KCTD16: variants seen among roughly 807,000 people sequenced by gnomAD.
The protein encoded by KCTD16 is BTB/POZ domain-containing protein KCTD16.
A neutral mutation model predicts 33.2 loss-of-function variants in KCTD16; 13 were observed. The observed-to-expected ratio is 0.39, with a 90% CI of 0.25 to 0.62. KCTD16 has a LOEUF of 0.62. Among genes scored for constraint, KCTD16 ranks in the 20% least tolerant of loss-of-function variants. The probability of loss-of-function intolerance (pLI) is 0.50; values close to 1 mark genes in which losing one functional copy is unlikely to be tolerated. For missense variants in KCTD16, 441 were observed against 525.1 expected (o/e 0.84, Z 1.57); for synonymous variants, 197 against 195.3 (o/e 1.01, Z -0.07).
At chr5:144,318,715 G>A (rs1561565383) in intron 3 of KCTD16, among the ~76,000 whole-genome samples, 1 of 152,134 alleles carries the variant, frequency 6.6e-6, no homozygotes, top group Non-Finnish European at 1.5e-5. Flanking sequence ...CCTGCCCTCT[G>A]TGACTGCGGA....
At chr5:144,175,327 A>T (rs1752478649) in intron 2 of KCTD16, among the ~76,000 whole-genome samples, 1 of 152,208 alleles carries the variant, frequency 6.6e-6, no homozygotes, top group South Asian at 2.1e-4. Flanking sequence ...CTGAGTCCTT[A>T]TGCTAAAGCA....
intron 3 of KCTD16, among the ~76,000 whole-genome samples, chr5:144,374,189 C>T (rs1042313944): frequency 6.6e-6 from 1 of 152,156 alleles, no homozygotes; most frequent in Admixed American, 6.6e-5. Context: ...GGCCATTATT[C>T]GGCCTATCAC....
intron 3 of KCTD16, among the ~76,000 whole-genome samples, chr5:144,243,831 C>T (rs1754472601): frequency 6.6e-6 from 1 of 152,232 alleles, no homozygotes; most frequent in South Asian, 2.1e-4. Flanking sequence ...GCAACCTCCG[C>T]CTCCTGGGTT....
chr5:144,380,104 C>A (rs140472494), intron 3 of KCTD16, among the ~76,000 whole-genome samples: 161 of 152,114 alleles, frequency 1.1e-3, no homozygotes, highest in Non-Finnish European at 1.9e-3. Flanking sequence ...TAGTCTCTGA[C>A]CAAAGGGTCC....
chr5:144,391,922 A>G (rs1752457853), intron 3 of KCTD16, among the ~76,000 whole-genome samples: 1 of 152,150 alleles, frequency 6.6e-6, no homozygotes, highest in Admixed American at 6.5e-5. Flanking sequence ...GTGCCTACCC[A>G]ATGACAAGTT....
intron 3 of KCTD16, among the ~76,000 whole-genome samples, chr5:144,393,459 CCCTGT>C (rs1752495312): frequency 6.6e-6 from 1 of 152,068 alleles, no homozygotes; most frequent in Non-Finnish European, 1.5e-5. Context: ...GACTTTCTAG[CCCTGT>C]GTCATACTAC....
At chr5:144,373,550 A>G (rs1229807312) in intron 3 of KCTD16, among the ~76,000 whole-genome samples, 1 of 152,192 alleles carries the variant, frequency 6.6e-6, no homozygotes, top group Non-Finnish European at 1.5e-5. Context: ...TTTTTGGTCT[A>G]TATCCTTCCA....
At chr5:144,462,583 C>A (rs59598884) in intron 3 of KCTD16, among the ~76,000 whole-genome samples, 4,417 of 130,504 alleles carry the variant, frequency 0.034, 62 homozygotes, top group African/African-American at 0.056. Flanking sequence ...AAAAAAAAAA[C>A]AAAAAACTCT....
chr5:144,206,799 C>A lies in KCTD16; in HGVS notation c.85C>A (p.Leu29Met), dbSNP rs1462635734. The change falls in exon 3 of 4, where the codon CTG becomes ATG. Residue 29 changes from leucine (L) to methionine (M), a missense_variant. Physicochemically the swap from Leu to Met is conservative, Grantham distance 15. Transcript: ENST00000512467. ...CAACTCCTTCCCTGAGGTGGTAGAG[C>A]TGAATGTCGGGGGTCAAGTTTATTT... ...VPNSFPEVVELNVGGQVYFTR... is the reference protein window; with the variant it reads ...VPNSFPEVVEMNVGGQVYFTR... 2 of 1,614,108 alleles carry A rather than the reference C, an allele frequency of 1.2e-6. No homozygotes were observed.
intron 3 of KCTD16, among the ~76,000 whole-genome samples, chr5:144,371,338 A>G (rs1751961710): frequency 6.6e-6 from 1 of 152,162 alleles, no homozygotes; most frequent in African/African-American, 2.4e-5. Flanking sequence ...TTAACGGTCT[A>G]TCATAAAGGA....
intron 3 of KCTD16, among the ~76,000 whole-genome samples, chr5:144,457,014 C>T (rs1365515629): frequency 1.3e-5 from 2 of 152,164 alleles, no homozygotes; most frequent in African/African-American, 2.4e-5. Context: ...GTTTAAGCTT[C>T]AAGTGAGGTA....
At chr5:144,445,380 T>A (rs1475104325) in intron 3 of KCTD16, among the ~76,000 whole-genome samples, 1 of 152,078 alleles carries the variant, frequency 6.6e-6, no homozygotes, top group Admixed American at 6.6e-5. Flanking sequence ...AACAGTGGAC[T>A]GCAATTCGAA....
intron 3 of KCTD16, among the ~76,000 whole-genome samples, chr5:144,276,632 G>A (rs1755444515): frequency 6.6e-6 from 1 of 152,266 alleles, no homozygotes; most frequent in African/African-American, 2.4e-5. Context: ...CGCCGGGCAC[G>A]ATGGCTCACG....
intron 2 of KCTD16, among the ~76,000 whole-genome samples, chr5:144,182,735 G>T (rs931057845): frequency 2.0e-5 from 3 of 152,034 alleles, no homozygotes; most frequent in African/African-American, 7.3e-5. Flanking sequence ...GACACAGGGA[G>T]ATCCCTGTCT....
intron 3 of KCTD16, among the ~76,000 whole-genome samples, chr5:144,378,751 G>T (rs1298688527): frequency 6.6e-6 from 1 of 152,274 alleles, no homozygotes; most frequent in East Asian, 1.9e-4. Context: ...GAATAGACTT[G>T]TGTTTTTCAA....
intron 3 of KCTD16, among the ~76,000 whole-genome samples, chr5:144,212,487 T>C (rs376372768): frequency 1.3e-4 from 20 of 152,212 alleles, no homozygotes; most frequent in African/African-American, 3.6e-4. Context: ...ATATATATGA[T>C]TGGAAAGAGA....
At chr5:144,436,685 T>G (rs1753586807) in intron 3 of KCTD16, among the ~76,000 whole-genome samples, 2 of 151,826 alleles carry the variant, frequency 1.3e-5, no homozygotes, top group African/African-American at 4.8e-5. Context: ...CCTCCCAGAT[T>G]CAAGCTATTC....
chr5:144,329,163 G>A (rs1177895213), intron 3 of KCTD16, among the ~76,000 whole-genome samples: 1 of 152,092 alleles, frequency 6.6e-6, no homozygotes, highest in Non-Finnish European at 1.5e-5. Flanking sequence ...CACACTCACT[G>A]GCCTGATGCC....
chr5:144,291,543 T>C (rs1343866924), intron 3 of KCTD16, among the ~76,000 whole-genome samples: 2 of 152,244 alleles, frequency 1.3e-5, no homozygotes, highest in Non-Finnish European at 2.9e-5. Flanking sequence ...ATATCTTTAA[T>C]ATTGTCCTTT....
Sources: allele counts gnomAD v4.1 joint callset (sites outside exome capture counted in the v4.1 genomes callset), GRCh38; gene constraint gnomAD v4.1.1; transcripts MANE v1.5; gene names NCBI Gene and HGNC (gene_info 2026-07-23, HGNC 2026-07-21).